TERF1: variants seen among roughly 807,000 people sequenced by gnomAD.
TERF1 encodes telomeric repeat binding factor 1.
TERF1 carries 20 observed loss-of-function variants against 55.1 expected under a neutral mutation model. The observed-to-expected ratio is 0.36, with a 90% CI of 0.26 to 0.53. The LOEUF (loss-of-function observed/expected upper bound fraction) is 0.53, where lower values mean the gene tolerates loss of function less well. TERF1 is among the 20% of genes least tolerant of loss of function. TERF1 has a pLI of 0.91. For synonymous variants in TERF1, 168 were observed against 181.2 expected, an observed-to-expected ratio of 0.93 and a Z score of 0.59; for missense variants, 439 against 535.7, an observed-to-expected ratio of 0.82 and a Z score of 1.78.
intron 9 of TERF1, among the ~76,000 whole-genome samples, chr8:73,043,518 C>T (rs1809914110): frequency 6.6e-6 from 1 of 152,054 alleles, no homozygotes; most frequent in African/African-American, 2.4e-5. Context: ...GTATATTTCA[C>T]ATACATAGTT....
intron 2 of TERF1, among the ~76,000 whole-genome samples, chr8:73,015,249 A>G (rs1808450259): frequency 6.6e-6 from 1 of 151,882 alleles, no homozygotes; most frequent in South Asian, 2.1e-4. Flanking sequence ...ACCATAATGC[A>G]CTAAACTGAG....
At position 73,045,021 on chromosome 8, in the gene TERF1, G is replaced by A. The variant is rs116454508; in HGVS notation, c.1144-940G>A. Among the ~76,000 whole-genome samples the A allele has an allele frequency of 1.4e-3, 206 of 152,154 alleles. 1 individual carries two copies. In the Middle Eastern group the frequency reaches 0.017, roughly 13 times the overall value. On this transcript the variant is annotated intron_variant, in intron 9 of 9. Transcript: ENST00000276603. ...AATACCTCTTCAGGTCCCTGCTCTCGACTCTTTTAGATATGTACCCAGAAG... is the reference window on the plus strand; with the variant it reads ...AATACCTCTTCAGGTCCCTGCTCTCAACTCTTTTAGATATGTACCCAGAAG...
At chr8:73,044,414 A>C (rs1303368678) in intron 9 of TERF1, among the ~76,000 whole-genome samples, 2 of 152,284 alleles carry the variant, frequency 1.3e-5, no homozygotes, top group Non-Finnish European at 1.5e-5. Context: ...GTCACTGCCA[A>C]CTTTTTGGTA....
chr8:73,030,439 GA>G, intron 7 of TERF1, 44 bp downstream of exon 7: 1 of 1,297,902 alleles, frequency 7.7e-7, no homozygotes, highest in Non-Finnish European at 1.0e-6. Flanking sequence ...TCAAATCTTT[GA>G]TTGAAGCAAT....
intron 8 of TERF1, among the ~76,000 whole-genome samples, chr8:73,037,514 T>G (rs1470450753): frequency 9.8e-6 from 1 of 101,680 alleles, no homozygotes; most frequent in East Asian, 2.6e-4. Context: ...ATATTTGGAA[T>G]AAAATATATA....
In TERF1 at chr8:73,047,522, T is replaced by A. The variant is rs1196527505; in HGVS notation, c.*1385T>A. 6.6e-6 allele frequency: 1 copy of A among 152,224 alleles called. No homozygotes were observed. Among genetic ancestry groups the A allele is most frequent in the African/African-American group, 2.4e-5 (1 of 41,456 alleles). The allele number at this position is 152,224 out of a possible 1,614,324, so 9.4% of individuals were successfully genotyped here. ...ACAATTTTGGTTTTTCACCAACATT[T>A]TATTCTTTAAAAGATTTAGACTAAC... On this transcript the variant is annotated 3_prime_UTR_variant, in exon 10 of 10. Transcript: ENST00000276603.
At position 73,028,571 on chromosome 8, in the gene TERF1, AT is replaced by A. The variant is rs59423351; in HGVS notation, c.887+1543del. Among the ~76,000 whole-genome samples, 860 of 104,382 alleles carry A rather than the reference AT, an allele frequency of 8.2e-3. 5 individuals carry two copies. The highest frequency in any genetic ancestry group is 0.025 in the African/African-American group (663 of 26,408). 68.5% of individuals were successfully genotyped at this position (104,382 alleles called of 152,430 possible). On this transcript the variant is annotated intron_variant, in intron 6 of 9. Coordinates refer to ENST00000276603, the MANE Select transcript of TERF1 (RefSeq NM_017489.3). ...GGCTTATAAAGCCTTACGTAGACCC[AT>A]TTTTTTTTTTTTTTTTTTTTTTTAC...
rs372510692 is a variant in TERF1 at position 73,012,593 on chromosome 8, A to G, written c.320-1302A>G. 15 of 166,670 alleles carry G rather than the reference A, an allele frequency of 9.0e-5. No homozygotes were observed. In the East Asian group the frequency reaches 1.5e-3, roughly 17 times the overall value. The allele number at this position is 166,670 out of a possible 1,614,324, so 10.3% of individuals were successfully genotyped here. A position where few individuals can be genotyped will look rare whatever the true frequency, so the allele number is the denominator to read the frequency against. On this transcript the variant is annotated intron_variant, in intron 1 of 9. Coordinates refer to ENST00000276603, the MANE Select transcript of TERF1 (RefSeq NM_017489.3). ...GAGGCTGAGGCAGAAGAATGGCATG[A>G]ACCTGGGAGGCGGAGCTTGCAGTGA...
rs773732535 is a variant in TERF1 at position 73,008,947 on chromosome 8, G to T, written c.61G>T (p.Ala21Ser). 2.5e-6 allele frequency: 4 copies of T among 1,612,912 alleles called. No individual in the cohort carries two copies. Among genetic ancestry groups the T allele is most frequent in the South Asian group, 1.1e-5 (1 of 90,844 alleles). ...GCGGGGCTGTGCGGATGGTAGGGAT[G>T]CCGACCCTACTGAGGAGCAGATGGC... ...SPRGCADGRD[A>S]DPTEEQMAET... Residue 21 changes from alanine to serine, a missense_variant, in exon 1 of 10, where the codon GCC (alanine) becomes TCC (serine). Ala to Ser is a moderately conservative substitution (Grantham distance 99). This residue lies in a region of TERF1 where 179 missense variants were observed against 152.6 expected (regional missense o/e 1.17). Transcript: ENST00000276603.
At chr8:73,027,164 T>G in intron 6 of TERF1, 112 bp downstream of exon 6, 2 of 765,326 alleles carry the variant, frequency 2.6e-6, no homozygotes, top group Non-Finnish European at 4.1e-6. Context: ...GTTATCTTGC[T>G]GATGATTAAC....
chr8:73,027,052 G>T lies in TERF1; in HGVS notation c.887G>T (p.Ser296Ile). The T allele has an allele frequency of 6.3e-7, 1 of 1,598,762 alleles. No individual in the cohort carries two copies. Among genetic ancestry groups the T allele is most frequent in the Non-Finnish European group, 8.5e-7 (1 of 1,171,896 alleles). Residue 296 changes from serine to isoleucine, a missense_variant and splice_region_variant, in exon 6 of 10, where the codon AGT (serine) becomes ATT (isoleucine). This residue lies in a region of TERF1 where 140 missense variants were observed against 158.6 expected (regional missense o/e 0.88). Coordinates refer to ENST00000276603, the MANE Select transcript of TERF1 (RefSeq NM_017489.3). ...ETEANLDTRK[S>I]VSDKQSAVTE... ...GAAGCTAATTTGGATACAAGAAAAA[G>T]GTTTGTAATTTAATCAATTTGTATA... is the stretch of plus-strand genomic sequence containing the variant.
At chr8:73,043,433 C>T (rs1433321754) in intron 9 of TERF1, 1 of 152,078 alleles carries the variant, frequency 6.6e-6, no homozygotes, top group African/African-American at 2.4e-5. Flanking sequence ...TACTACTTTC[C>T]TCTAGGTTAG....
chr8:73,025,400 A>T (rs1465886336), intron 5 of TERF1, among the ~76,000 whole-genome samples: 2 of 150,780 alleles, frequency 1.3e-5, no homozygotes, highest in African/African-American at 4.9e-5. Flanking sequence ...GCCAAGTTTC[A>T]GGAGTTCGAG....
intron 2 of TERF1, 116 bp downstream of exon 2, chr8:73,014,106 G>A: frequency 4.1e-6 from 3 of 729,718 alleles, no homozygotes; most frequent in Non-Finnish European, 7.1e-6. Context: ...TGGTGCATAG[G>A]GGTGTGGGGG....
intron 6 of TERF1, 137 bp downstream of exon 6, chr8:73,027,189 A>G (rs1586047101): frequency 3.1e-6 from 2 of 645,542 alleles, no homozygotes; most frequent in African/African-American, 1.8e-5. Context: ...AGGTATTTGA[A>G]GTACTGTAGA....
intron 8 of TERF1, among the ~76,000 whole-genome samples, chr8:73,037,677 A>C (rs1809610028): frequency 3.0e-5 from 2 of 65,580 alleles, no homozygotes; most frequent in Admixed American, 4.7e-4. Flanking sequence ...ATTATATTAT[A>C]TATAATATAT....
chr8:73,023,245 C>T lies in TERF1; in HGVS notation c.624+943C>T, dbSNP rs570637061. 2.6e-4 allele frequency among the ~76,000 whole-genome samples: 40 copies of T among 152,304 alleles called. No homozygotes were observed. The South Asian group carries it at 4.1e-3, about 16-fold the overall frequency. Reference sequence around the variant, plus strand: ...AAACTGTTCTCCAAAGTAGTTATGTCAGTTCCTCCAGTAGTGTGAAAGAAT... The same window carrying T: ...AAACTGTTCTCCAAAGTAGTTATGTTAGTTCCTCCAGTAGTGTGAAAGAAT... On this transcript the variant is annotated intron_variant, in intron 4 of 9. Transcript: ENST00000276603.
At chr8:73,028,595 T>TTTC in intron 6 of TERF1, among the ~76,000 whole-genome samples, 1 of 149,222 alleles carries the variant, frequency 6.7e-6, no homozygotes, top group African/African-American at 2.5e-5. Flanking sequence ...TTTTTTTTTT[T>TTTC]ACATACAGTC....
chr8:73,025,013 G>A, intron 5 of TERF1, 42 bp downstream of exon 5: 2 of 1,224,362 alleles, frequency 1.6e-6, no homozygotes, highest in Non-Finnish European at 2.2e-6. Flanking sequence ...AGACTTAAAG[G>A]AAACGTTATA....
Sources: gnomAD v4.1 joint callset for allele counts (sites outside exome capture counted in the v4.1 genomes callset) on GRCh38, gnomAD v4.1.1 for gene constraint, gnomAD v4.1.1 regional missense constraint, MANE v1.5 for transcripts, NCBI Gene and HGNC (gene_info 2026-07-23, HGNC 2026-07-21) for gene names.